Variants in KCNH7 observed in about 807,000 individuals in gnomAD.
The protein encoded by KCNH7 is potassium voltage-gated channel subfamily H member 7, also known as voltage-gated inwardly rectifying potassium channel KCNH7.
Under a neutral mutation model 120.8 loss-of-function variants are expected in KCNH7, and 49 were observed. The observed-to-expected ratio is 0.41, with a 90% CI of 0.32 to 0.51. KCNH7 has a LOEUF of 0.51. KCNH7 is among the 20% of genes least tolerant of loss of function. The probability of loss-of-function intolerance (pLI) is 0.38; values close to 1 mark genes in which losing one functional copy is unlikely to be tolerated. For missense variants in KCNH7, 1,097 were observed against 1,446.6 expected, an observed-to-expected ratio of 0.76 and a Z score of 3.92; for synonymous variants, 547 against 516.1, an observed-to-expected ratio of 1.06 and a Z score of -0.81.
intron 2 of KCNH7, among the ~76,000 whole-genome samples, chr2:162,727,717 C>T (rs995639640): frequency 2.6e-5 from 4 of 152,126 alleles, no homozygotes; most frequent in Non-Finnish European, 5.9e-5. Context: ...AGTTTGTTTA[C>T]ATACTTTCTT....
At chr2:162,457,160 C>T (rs1186687281) in intron 6 of KCNH7, among the ~76,000 whole-genome samples, 2 of 152,034 alleles carry the variant, frequency 1.3e-5, no homozygotes, top group Non-Finnish European at 2.9e-5. Flanking sequence ...AATGTTTTAA[C>T]AACATGAATA....
At chr2:162,739,374 A>G (rs908049436) in intron 2 of KCNH7, among the ~76,000 whole-genome samples, 13 of 152,022 alleles carry the variant, frequency 8.6e-5, no homozygotes, top group Admixed American at 8.5e-4. Context: ...GTCGCCATGG[A>G]TTCTTAGATA....
intron 2 of KCNH7, among the ~76,000 whole-genome samples, chr2:162,769,160 T>G (rs1162192010): frequency 6.6e-6 from 1 of 152,156 alleles, no homozygotes; most frequent in African/African-American, 2.4e-5. Context: ...GACCAAGGTA[T>G]TCTGTGATCT....
At chr2:162,816,066 C>T (rs1484557748) in intron 2 of KCNH7, among the ~76,000 whole-genome samples, 1 of 152,004 alleles carries the variant, frequency 6.6e-6, no homozygotes, top group Non-Finnish European at 1.5e-5. Context: ...CGAGACCAGC[C>T]TGGCCAACAT....
At chr2:162,376,854 T>G (rs1686212913) in intron 14 of KCNH7, among the ~76,000 whole-genome samples, 2 of 152,196 alleles carry the variant, frequency 1.3e-5, no homozygotes, top group Admixed American at 6.5e-5. Flanking sequence ...TAGATGTATC[T>G]GCAGGCATAA....
At chr2:162,709,763 A>C (rs1214236754) in intron 2 of KCNH7, among the ~76,000 whole-genome samples, 4 of 152,182 alleles carry the variant, frequency 2.6e-5, no homozygotes, top group African/African-American at 9.6e-5. Flanking sequence ...TGCCTCTGCA[A>C]ATGCTCTACT....
chr2:162,814,628 G>C (rs1368622408), intron 2 of KCNH7, among the ~76,000 whole-genome samples: 1 of 152,118 alleles, frequency 6.6e-6, no homozygotes, highest in South Asian at 2.1e-4. Context: ...AGGGTGTCCT[G>C]CTATCAATTA....
chr2:162,513,900 C>G (rs1345322679), intron 4 of KCNH7, among the ~76,000 whole-genome samples: 1 of 151,630 alleles, frequency 6.6e-6, no homozygotes, highest in Admixed American at 6.6e-5. Flanking sequence ...AAAATGGGCT[C>G]TTTTAAAATC....
intron 15 of KCNH7, among the ~76,000 whole-genome samples, chr2:162,372,400 G>T (rs1685985645): frequency 6.6e-6 from 1 of 151,962 alleles, no homozygotes; most frequent in Admixed American, 6.6e-5. Context: ...CGAAATTTAA[G>T]ACAAATTGGG....
intron 2 of KCNH7, among the ~76,000 whole-genome samples, chr2:162,755,972 TAA>T (rs1688774421): frequency 6.6e-6 from 1 of 152,156 alleles, no homozygotes; most frequent in Non-Finnish European, 1.5e-5. Context: ...ATCAAAACAC[TAA>T]GTTAAGAGAA....
chr2:162,699,273 A>T (rs763530239), intron 2 of KCNH7, among the ~76,000 whole-genome samples: 1 of 152,174 alleles, frequency 6.6e-6, no homozygotes, highest in Non-Finnish European at 1.5e-5. Context: ...AAGTGAGATC[A>T]CATGGTATTT....
At chr2:162,754,238 T>C (rs1209593922) in intron 2 of KCNH7, among the ~76,000 whole-genome samples, 2 of 151,626 alleles carry the variant, frequency 1.3e-5, no homozygotes, top group African/African-American at 4.8e-5. Flanking sequence ...ATTACTACAA[T>C]AGATCAAGAG....
intron 9 of KCNH7, among the ~76,000 whole-genome samples, chr2:162,418,973 AG>A (rs1687620584): frequency 6.6e-6 from 1 of 151,944 alleles, no homozygotes. Flanking sequence ...CTCGATTAAA[AG>A]CTCCAAAAGC....
intron 2 of KCNH7, among the ~76,000 whole-genome samples, chr2:162,674,095 A>G (rs1359735661): frequency 6.6e-6 from 1 of 151,912 alleles, no homozygotes; most frequent in Admixed American, 6.6e-5. Context: ...GAAAAAGAAG[A>G]ATTTGCAGAT....
intron 2 of KCNH7, among the ~76,000 whole-genome samples, chr2:162,695,608 C>CA (rs1298101674): frequency 6.6e-6 from 1 of 152,130 alleles, no homozygotes; most frequent in Admixed American, 6.5e-5. Flanking sequence ...CTGAACTGCA[C>CA]AAAAGTCAGC....
chr2:162,777,136 T>C (rs1408981800), intron 2 of KCNH7, among the ~76,000 whole-genome samples: 1 of 152,136 alleles, frequency 6.6e-6, no homozygotes, highest in East Asian at 1.9e-4. Flanking sequence ...TTCTGCTGTT[T>C]GACAAGTACC....
chr2:162,741,961 G>A (rs753346377), intron 2 of KCNH7, among the ~76,000 whole-genome samples: 9 of 152,222 alleles, frequency 5.9e-5, no homozygotes, highest in Non-Finnish European at 1.2e-4. Context: ...TTCATACTTT[G>A]TTTTGAAAAT....
intron 2 of KCNH7, among the ~76,000 whole-genome samples, chr2:162,748,774 C>T (rs1049034096): frequency 6.6e-6 from 1 of 151,672 alleles, no homozygotes; most frequent in African/African-American, 2.4e-5. Flanking sequence ...ACTAACAAAG[C>T]AATATTCCAC....
At chr2:162,613,411 G>T (rs1683034382) in intron 2 of KCNH7, among the ~76,000 whole-genome samples, 1 of 151,848 alleles carries the variant, frequency 6.6e-6, no homozygotes, top group Non-Finnish European at 1.5e-5. Context: ...CTAAGAATTT[G>T]CTTTAACAAA....
Sources: allele counts gnomAD v4.1 joint callset (sites outside exome capture counted in the v4.1 genomes callset), GRCh38; gene constraint gnomAD v4.1.1; transcripts MANE v1.5; gene names NCBI Gene and HGNC (gene_info 2026-07-23, HGNC 2026-07-21).